PPP2R2B: variants seen among roughly 807,000 people sequenced by gnomAD.
The protein encoded by PPP2R2B is protein phosphatase 2 regulatory subunit Bbeta.
PPP2R2B carries 5 observed loss-of-function variants against 46.0 expected under a neutral mutation model. The observed-to-expected ratio is 0.11, with a 90% CI of 0.06 to 0.23. The LOEUF (loss-of-function observed/expected upper bound fraction) is 0.23. Ranked by LOEUF, PPP2R2B falls within the 10% of genes least tolerant of loss-of-function variation. The pLI is 1.00. For missense variants in PPP2R2B, 367 were observed against 575.0 expected (o/e 0.64, Z 3.70); for synonymous variants, 215 against 206.7 (o/e 1.04, Z -0.34).
At chr5:146,975,864 ATTC>A (rs1752876458) in intron 1 of PPP2R2B, among the ~76,000 whole-genome samples, 1 of 151,972 alleles carries the variant, frequency 6.6e-6, no homozygotes, top group Non-Finnish European at 1.5e-5. Context: ...TTCTTTACAT[ATTC>A]TGCATATTGA....
At chr5:146,826,450 G>A (rs575722145) in intron 2 of PPP2R2B, among the ~76,000 whole-genome samples, 4 of 152,108 alleles carry the variant, frequency 2.6e-5, no homozygotes, top group East Asian at 1.9e-4. Context: ...TAGGAGGAGG[G>A]GGATAAGGGA....
chr5:146,700,661 A>G (rs1010302484), intron 3 of PPP2R2B, among the ~76,000 whole-genome samples: 1 of 152,018 alleles, frequency 6.6e-6, no homozygotes, highest in Non-Finnish European at 1.5e-5. Context: ...CAAATAAACT[A>G]TGTTTTTTTC....
In PPP2R2B at chr5:146,864,809, T is replaced by TC. The variant is rs564103205; in HGVS notation, c.70+13192dup. 2.1e-3 allele frequency among the ~76,000 whole-genome samples: 315 copies of TC among 152,288 alleles called. 1 individual carries two copies. Among genetic ancestry groups the TC allele is most frequent in the African/African-American group, 6.9e-3 (287 of 41,568 alleles). ...TCTTTAAGAATTTTTTCTCTGATCT[T>TC]CACCCCACATAAGTTTCCTAGGATA... On this transcript the variant is annotated intron_variant, in intron 2 of 9. Transcript: ENST00000394411.
intron 1 of PPP2R2B, among the ~76,000 whole-genome samples, chr5:147,004,924 G>T (rs1561570629): frequency 6.6e-6 from 1 of 152,118 alleles, no homozygotes; most frequent in Non-Finnish European, 1.5e-5. Context: ...GGGTAATTGT[G>T]GTGGTGGCCG....
chr5:146,884,422 A>C (rs536352045), intron 1 of PPP2R2B, among the ~76,000 whole-genome samples: 1 of 152,280 alleles, frequency 6.6e-6, no homozygotes, highest in Non-Finnish European at 1.5e-5. Context: ...AATTGCTTTT[A>C]TAGGGCTCCT....
chr5:146,761,950 T>C (rs1435800655), intron 2 of PPP2R2B, among the ~76,000 whole-genome samples: 1 of 152,190 alleles, frequency 6.6e-6, no homozygotes, highest in Non-Finnish European at 1.5e-5. Context: ...TATGTGGGAA[T>C]GATGGCAGAG....
chr5:146,639,359 C>A (rs1775043353), intron 6 of PPP2R2B, among the ~76,000 whole-genome samples: 1 of 151,942 alleles, frequency 6.6e-6, no homozygotes, highest in Admixed American at 6.6e-5. Flanking sequence ...CCTTTCTGAT[C>A]AAGAATTATA....
chr5:146,738,113 C>T (rs938099730), intron 2 of PPP2R2B, among the ~76,000 whole-genome samples: 3 of 151,846 alleles, frequency 2.0e-5, no homozygotes, highest in Non-Finnish European at 2.9e-5. Flanking sequence ...ATCTTAGCTT[C>T]GGGCTGGGCG....
intron 2 of PPP2R2B, among the ~76,000 whole-genome samples, chr5:146,724,990 C>A (rs1186354512): frequency 6.6e-6 from 1 of 152,106 alleles, no homozygotes; most frequent in Non-Finnish European, 1.5e-5. Context: ...TGTTTTTACA[C>A]ACTCATTTAA....
intron 1 of PPP2R2B, among the ~76,000 whole-genome samples, chr5:147,050,478 G>GA (rs989003159): frequency 6.6e-6 from 1 of 152,022 alleles, no homozygotes; most frequent in African/African-American, 2.4e-5. Context: ...CCATAAATAT[G>GA]AAAAAGGTAC....
intron 6 of PPP2R2B, among the ~76,000 whole-genome samples, chr5:146,642,340 A>G (rs1230937096): frequency 6.6e-6 from 1 of 152,216 alleles, no homozygotes; most frequent in Admixed American, 6.5e-5. Context: ...GGATGAGGGA[A>G]TGGAGAGGGT....
intron 2 of PPP2R2B, among the ~76,000 whole-genome samples, chr5:146,874,010 C>G (rs369841298): frequency 4.6e-5 from 7 of 152,164 alleles, no homozygotes; most frequent in African/African-American, 1.7e-4. Context: ...ACCTAAAATG[C>G]TTTCAGGTCT....
At chr5:146,728,286 A>C (rs1026546420) in intron 2 of PPP2R2B, among the ~76,000 whole-genome samples, 3 of 151,976 alleles carry the variant, frequency 2.0e-5, no homozygotes, top group Non-Finnish European at 4.4e-5. Context: ...TCTCAGTATT[A>C]TCCATTCCAC....
chr5:146,887,224 G>A (rs1381582211), intron 1 of PPP2R2B, among the ~76,000 whole-genome samples: 1 of 151,808 alleles, frequency 6.6e-6, no homozygotes, highest in Non-Finnish European at 1.5e-5. Flanking sequence ...TTGAAATCTG[G>A]TGTTTTACAC....
intron 5 of PPP2R2B, among the ~76,000 whole-genome samples, chr5:146,655,893 C>T (rs868859930): frequency 2.3e-5 from 1 of 44,212 alleles, no homozygotes; most frequent in Non-Finnish European, 4.3e-5. Context: ...GGGAGGTCCC[C>T]AAAGAGAGGT....
intron 2 of PPP2R2B, among the ~76,000 whole-genome samples, chr5:147,069,490 C>T (rs1251786117): frequency 1.3e-5 from 2 of 152,068 alleles, no homozygotes; most frequent in African/African-American, 4.8e-5. Flanking sequence ...CACACCTGAA[C>T]CTGCCTCTGC....
intron 1 of PPP2R2B, among the ~76,000 whole-genome samples, chr5:146,997,142 C>A (rs941539493): frequency 1.3e-5 from 2 of 152,158 alleles, no homozygotes; most frequent in Non-Finnish European, 2.9e-5. Flanking sequence ...TCCCCATCTT[C>A]TCACCAGGTA....
intron 2 of PPP2R2B, among the ~76,000 whole-genome samples, chr5:146,816,240 C>A (rs1041212801): frequency 6.6e-6 from 1 of 152,012 alleles, no homozygotes; most frequent in Non-Finnish European, 1.5e-5. Context: ...TCCATCTCTA[C>A]AAAAAAATTA....
At chr5:146,691,479 A>G (rs965294049) in intron 4 of PPP2R2B, among the ~76,000 whole-genome samples, 3 of 152,190 alleles carry the variant, frequency 2.0e-5, no homozygotes, top group East Asian at 1.9e-4. Flanking sequence ...GGGCTCTTAA[A>G]TCTATAGCTT....
Sources: allele counts gnomAD v4.1 joint callset (sites outside exome capture counted in the v4.1 genomes callset), GRCh38; gene constraint gnomAD v4.1.1; transcripts MANE v1.5; gene names NCBI Gene and HGNC (gene_info 2026-07-23, HGNC 2026-07-21).